The following RAD54L2 variants were observed in gnomAD, a reference collection of about 807,000 sequenced individuals.
RAD54L2 encodes helicase ARIP4.
In RAD54L2, 27 loss-of-function variants were observed where a neutral mutation model predicts 138.4. The ratio of observed to expected loss-of-function variants is 0.20; its 90% CI spans 0.14 to 0.27. RAD54L2 has a LOEUF of 0.27. Ranked by LOEUF, RAD54L2 falls within the 10% of genes least tolerant of loss-of-function variation. The pLI is 1.00. For missense variants in RAD54L2, 1,396 were observed against 1,890.2 expected, an observed-to-expected ratio of 0.74 and a Z score of 4.85; for synonymous variants, 644 against 723.2, an observed-to-expected ratio of 0.89 and a Z score of 1.76.
At chr3:51,647,446 T>C (rs1701309825) in intron 19 of RAD54L2, among the ~76,000 whole-genome samples, 1 of 152,150 alleles carries the variant, frequency 6.6e-6, no homozygotes, top group African/African-American at 2.4e-5. Flanking sequence ...GGCGGGCAGA[T>C]CACCTGAGGT....
chr3:51,543,049 A>C (rs1392631963), intron 2 of RAD54L2, among the ~76,000 whole-genome samples: 7 of 152,176 alleles, frequency 4.6e-5, no homozygotes, highest in African/African-American at 1.7e-4. Flanking sequence ...CTCCAGATGC[A>C]GGAGAGATTT....
rs58505964 is a variant in RAD54L2, at chr3:51,552,561, CTT to C, written c.-55+10936_-55+10937del. 1.4e-4 allele frequency among the ~76,000 whole-genome samples: 15 copies of C among 106,726 alleles called. 1 individual carries two copies. The highest frequency in any genetic ancestry group is 5.6e-4 in the South Asian group (2 of 3,592). 70.0% of individuals were successfully genotyped at this position (106,726 alleles called of 152,430 possible). A position where few individuals can be genotyped will look rare whatever the true frequency, so the allele number is the denominator to read the frequency against. On this transcript the variant is annotated intron_variant, in intron 2 of 22. Transcript: ENST00000684192. ...ACAGGTGTGAGCCACTGCGCCTGGC[CTT>C]TTTTTTTTTTTTTTTTTTTTTTTTA...
At chr3:51,623,764 AG>A in intron 3 of RAD54L2, among the ~76,000 whole-genome samples, 1 of 152,166 alleles carries the variant, frequency 6.6e-6, no homozygotes, top group East Asian at 1.9e-4. Context: ...TCACGAGGTC[AG>A]GAGATCGAGA....
chr3:51,603,484 G>T (rs963497579), intron 3 of RAD54L2, among the ~76,000 whole-genome samples: 3 of 152,048 alleles, frequency 2.0e-5, no homozygotes, highest in Non-Finnish European at 4.4e-5. Flanking sequence ...GTAGGTACCT[G>T]TAATCCTAGC....
chr3:51,610,577 T>C (rs1256259996), intron 3 of RAD54L2, among the ~76,000 whole-genome samples: 2 of 147,394 alleles, frequency 1.4e-5, no homozygotes, highest in East Asian at 4.0e-4. Flanking sequence ...AGGCTGAGGT[T>C]GCAGTAAGCC....
At chr3:51,545,561 A>G (rs985826341) in intron 2 of RAD54L2, among the ~76,000 whole-genome samples, 4 of 151,594 alleles carry the variant, frequency 2.6e-5, no homozygotes, top group Non-Finnish European at 5.9e-5. Flanking sequence ...TTTTTTTAAG[A>G]TTTTTTTTAA....
At position 51,667,771 on chromosome 3, in the gene RAD54L2, A is replaced by T. The variant is rs1199817672; in HGVS notation, c.*4351A>T. 6.6e-6 allele frequency: 1 copy of T among 152,226 alleles called. No individual in the cohort carries two copies. The highest frequency in any genetic ancestry group is 1.5e-5 in the Non-Finnish European group (1 of 68,084). The allele number at this position is 152,226 out of a possible 1,614,324, so 9.4% of individuals were successfully genotyped here. A position where few individuals can be genotyped will look rare whatever the true frequency, so the allele number is the denominator to read the frequency against. ...TTTTCTGTGCTACTAGCTTAGCCCT[A>T]GGCCTTTTATGAATACCTGAGTCTT... On this transcript the variant is annotated 3_prime_UTR_variant, in exon 23 of 23. Coordinates refer to ENST00000684192, the MANE Select transcript of RAD54L2 (RefSeq NM_015106.4).
At chr3:51,562,239 AT>A (rs1216839776) in intron 2 of RAD54L2, among the ~76,000 whole-genome samples, 1 of 142,940 alleles carries the variant, frequency 7.0e-6, no homozygotes, top group Non-Finnish European at 1.5e-5. Flanking sequence ...TTTAAATTTT[AT>A]TTTTTTTTGA....
intron 2 of RAD54L2, among the ~76,000 whole-genome samples, chr3:51,569,637 C>A (rs1034727429): frequency 6.6e-6 from 1 of 152,134 alleles, no homozygotes; most frequent in African/African-American, 2.4e-5. Flanking sequence ...CTGCCTTGGC[C>A]TCCCAAAGTG....
chr3:51,638,109 C>G lies in RAD54L2; in HGVS notation c.1683-35C>G, dbSNP rs770826895. On this transcript the variant is annotated intron_variant, in intron 11 of 22. Coordinates refer to ENST00000684192, the MANE Select transcript of RAD54L2 (RefSeq NM_015106.4). This position sits in a 1 kb window ranked among gnomAD's most constrained non-coding sequence, Gnocchi z 4.3. ...CTTGTGCTGACCCCTCCTGGCCACA[C>G]TACCTTGCCGTTTCTGTTCTGTTTG... 2 of 1,606,698 alleles carry G rather than the reference C, an allele frequency of 1.2e-6. No homozygotes were observed. The highest frequency in any genetic ancestry group is 3.4e-5 in the Admixed American group (2 of 59,668).
chr3:51,565,467 T>C lies in RAD54L2; in HGVS notation c.-55+23817T>C, dbSNP rs531959029. Among the ~76,000 whole-genome samples the C allele has an allele frequency of 2.5e-3, 375 of 152,276 alleles. 3 individuals carry two copies. The highest frequency in any genetic ancestry group is 8.6e-3 in the African/African-American group (357 of 41,546). ...TGTAGGTAGTGACTACATAGAAATATAATAGATTTTTATTTATGTATTTTT... is the reference window on the plus strand; with the variant it reads ...TGTAGGTAGTGACTACATAGAAATACAATAGATTTTTATTTATGTATTTTT... On this transcript the variant is annotated intron_variant, in intron 2 of 22. Transcript: ENST00000684192.
chr3:51,564,748 C>T (rs1699174907), intron 2 of RAD54L2, among the ~76,000 whole-genome samples: 1 of 152,002 alleles, frequency 6.6e-6, no homozygotes, highest in South Asian at 2.1e-4. Flanking sequence ...GAAACCACAT[C>T]TCTGTTTATT....
intron 19 of RAD54L2, among the ~76,000 whole-genome samples, chr3:51,649,695 CTA>C (rs1444634486): frequency 6.6e-6 from 1 of 152,162 alleles, no homozygotes; most frequent in Non-Finnish European, 1.5e-5. Context: ...TCCAGCCAAA[CTA>C]AGCTTCATAA....
At chr3:51,660,441 T>C (rs1164709132) in intron 22 of RAD54L2, among the ~76,000 whole-genome samples, 3 of 151,724 alleles carry the variant, frequency 2.0e-5, no homozygotes, top group Admixed American at 6.6e-5. Context: ...CCCGAGTAGC[T>C]GAGACTACAG....
chr3:51,645,759 C>T lies in RAD54L2; in HGVS notation c.2825C>T (p.Thr942Ile). Residue 942 changes from threonine to isoleucine, a missense_variant, in exon 18 of 23, where the codon ACC (threonine) becomes ATC (isoleucine). By Grantham distance (89) the Thr-to-Ile change is moderately conservative. Coordinates refer to ENST00000684192, the MANE Select transcript of RAD54L2 (RefSeq NM_015106.4). The surrounding 1 kb of genome is among the most constrained non-coding windows in gnomAD (Gnocchi z 6.1). ...TGTCTGAAGTACCCTCACCTCATCA[C>T]CAAGGTAAGAACTTGGTATGCATGC... is the stretch of plus-strand genomic sequence containing the variant. ...LACLKYPHLITKEPFEHESLL... is the reference protein window; with the variant it reads ...LACLKYPHLIIKEPFEHESLL... The T allele has an allele frequency of 6.2e-7, 1 of 1,608,658 alleles. No individual in the cohort carries two copies.
In RAD54L2 at chr3:51,663,401, T is replaced by C. The variant is rs1168778764; in HGVS notation, c.4385T>C (p.Ile1462Thr). Residue 1462 changes from isoleucine to threonine, a missense_variant, in exon 23 of 23, where the codon ATA becomes ACA. Ile to Thr is a moderately conservative substitution (Grantham distance 89, BLOSUM62 -1). Coordinates refer to ENST00000684192, the MANE Select transcript of RAD54L2 (RefSeq NM_015106.4). Reference protein sequence around the residue: ...NDDEDKDDDVIEVTGK With the variant: ...NDDEDKDDDVTEVTGK ...GATGAGGATAAAGACGATGATGTGA[T>C]AGAGGTCACTGGGAAATAGCTAGGG... 3 of 1,612,018 alleles carry C rather than the reference T, an allele frequency of 1.9e-6. No individual in the cohort carries two copies. The highest frequency in any genetic ancestry group is 1.3e-5 in the African/African-American group (1 of 74,774).
In RAD54L2 at chr3:51,629,451, T is replaced by C; in HGVS notation, c.459T>C (p.Thr153=). 2 of 1,612,720 alleles carry C rather than the reference T, an allele frequency of 1.2e-6. No homozygotes were observed. Among genetic ancestry groups the C allele is most frequent in the Non-Finnish European group, 1.7e-6 (2 of 1,179,444 alleles). ...QRKDYAAPIP[T]VPLEFLPEEI... is the part of the protein sequence containing the mutation. ...AAGATTATGCAGCCCCTATTCCTAC[T>C]GTTCCGCTGGAGTTCCTCCCTGGTA... Residue 153 remains threonine (T), a synonymous_variant, in exon 5 of 23, where the codon ACT becomes ACC. Coordinates refer to ENST00000684192, the MANE Select transcript of RAD54L2 (RefSeq NM_015106.4).
chr3:51,553,723 TGGA>T (rs1264158197), intron 2 of RAD54L2, among the ~76,000 whole-genome samples: 2 of 152,212 alleles, frequency 1.3e-5, no homozygotes, highest in East Asian at 3.9e-4. Context: ...CTAGATACTC[TGGA>T]GGCTGAGGTG....
intron 2 of RAD54L2, among the ~76,000 whole-genome samples, chr3:51,559,674 C>T (rs1254315726): frequency 6.6e-6 from 1 of 152,186 alleles, no homozygotes; most frequent in Non-Finnish European, 1.5e-5. Flanking sequence ...TTGGGTAAAA[C>T]TGTATCCCAG....
Sources: allele counts gnomAD v4.1 joint callset (sites outside exome capture counted in the v4.1 genomes callset), GRCh38; gene constraint gnomAD v4.1.1; non-coding constraint Gnocchi (gnomAD v3.1); transcripts MANE v1.5; gene names NCBI Gene and HGNC (gene_info 2026-07-23, HGNC 2026-07-21).